The following KHDC1 variants were observed in gnomAD, a reference collection of about 807,000 sequenced individuals.
KHDC1 encodes KH domain containing 1.
In KHDC1, 21 loss-of-function variants were observed where a neutral mutation model predicts 24.7. The observed-to-expected ratio is 0.85, with a 90% CI of 0.60 to 1.23. The LOEUF (loss-of-function observed/expected upper bound fraction) is 1.23. Among genes scored for constraint, KHDC1 ranks in the 50% most tolerant of loss-of-function variants. The probability of loss-of-function intolerance (pLI) is 0.00; values close to 1 mark genes in which losing one functional copy is unlikely to be tolerated. For missense variants in KHDC1, 274 were observed against 298.5 expected, an observed-to-expected ratio of 0.92 and a Z score of 0.61; for synonymous variants, 98 against 111.7, an observed-to-expected ratio of 0.88 and a Z score of 0.77.
intron 2 of KHDC1, among the ~76,000 whole-genome samples, chr6:73,277,104 T>C (rs933574371): frequency 1.3e-5 from 2 of 152,166 alleles, no homozygotes; most frequent in Non-Finnish European, 2.9e-5. Flanking sequence ...AAAAATAGGC[T>C]CTATAAATTA....
chr6:73,295,697 T>G (rs1767745971), intron 1 of KHDC1, among the ~76,000 whole-genome samples: 1 of 151,276 alleles, frequency 6.6e-6, no homozygotes, highest in Non-Finnish European at 1.5e-5. Flanking sequence ...GATACAAAAA[T>G]TAGCTGGGCC....
intron 2 of KHDC1, chr6:73,290,276 A>C (rs116463572): frequency 0.052 from 7,812 of 150,328 alleles, 489 homozygotes; most frequent in African/African-American, 0.15. Context: ...ACTTCATCCC[A>C]AAAAAAAAAA....
intron 1 of KHDC1, chr6:73,292,300 C>T (rs1344022033): frequency 2.8e-6 from 3 of 1,083,686 alleles, no homozygotes; most frequent in Non-Finnish European, 4.3e-6. Context: ...GTAGGATGCT[C>T]TTTGACTACC....
At chr6:73,241,765 C>T (rs1376587971) in intron 4 of KHDC1, 37 bp from the exon 4 acceptor site, 1 of 1,606,686 alleles carries the variant, frequency 6.2e-7, no homozygotes, top group South Asian at 1.1e-5. Flanking sequence ...GAACCAGGGC[C>T]CATAACTGGG....
chr6:73,264,348 T>C (rs1410525824), intron 2 of KHDC1, among the ~76,000 whole-genome samples: 1 of 152,218 alleles, frequency 6.6e-6, no homozygotes, highest in Non-Finnish European at 1.5e-5. Context: ...ATAAAAGTTC[T>C]AACTTTGAGG....
At position 73,246,156 on chromosome 6, in the gene KHDC1, C is replaced by T. The variant is rs552687635; in HGVS notation, c.207-3626G>A. Among the ~76,000 whole-genome samples, 8 of 152,318 alleles carry T rather than the reference C, an allele frequency of 5.3e-5. No homozygotes were observed. The East Asian group carries it at 1.5e-3, about 29-fold the overall frequency. On this transcript the variant is annotated intron_variant, in intron 2 of 4. Transcript: ENST00000370384. Reference sequence around the variant, plus strand: ...TTCTCTGATATGGAGCAACTCATCACATATCTACTGCCTATATAAATATTT... The same window carrying T: ...TTCTCTGATATGGAGCAACTCATCATATATCTACTGCCTATATAAATATTT...
intron 2 of KHDC1, among the ~76,000 whole-genome samples, chr6:73,289,333 CAAAAAA>C (rs60179008): frequency 0.015 from 919 of 62,610 alleles, 12 homozygotes; most frequent in African/African-American, 0.043. Flanking sequence ...GACTCCATCT[CAAAAAA>C]AAAAAAAAAA....
At chr6:73,281,082 G>C (rs912398406) in intron 2 of KHDC1, among the ~76,000 whole-genome samples, 2 of 152,010 alleles carry the variant, frequency 1.3e-5, no homozygotes, top group African/African-American at 4.8e-5. Flanking sequence ...GGTGGTGCCT[G>C]TCTGTAATCC....
At chr6:73,247,793 T>C (rs528225227) in intron 2 of KHDC1, among the ~76,000 whole-genome samples, 55 of 147,612 alleles carry the variant, frequency 3.7e-4, no homozygotes, top group Non-Finnish European at 6.5e-4. Flanking sequence ...GAGGCAGAGG[T>C]TGCAGTGAGT....
rs545254450 is a variant in KHDC1 at position 73,274,040 on chromosome 6, G to T, written c.206+17958C>A. 1.4e-4 allele frequency: 21 copies of T among 152,198 alleles called. 1 individual carries two copies. The highest frequency in any genetic ancestry group is 5.1e-4 in the African/African-American group (21 of 41,530). The allele number at this position is 152,198 out of a possible 1,614,324, so 9.4% of individuals were successfully genotyped here. A position where few individuals can be genotyped will look rare whatever the true frequency, so the allele number is the denominator to read the frequency against. On this transcript the variant is annotated intron_variant, in intron 2 of 4. Coordinates refer to ENST00000370384, the Ensembl canonical transcript of KHDC1. ...GATTGCTTGAATTTCGGGAGTTTGA[G>T]GCTACAGTGAAATACAATGGAGCCA...
chr6:73,288,250 A>G (rs975879651), intron 2 of KHDC1, among the ~76,000 whole-genome samples: 1 of 152,236 alleles, frequency 6.6e-6, no homozygotes, highest in Non-Finnish European at 1.5e-5. Flanking sequence ...GATTAACACA[A>G]CCTTTGATAT....
chr6:73,254,022 G>A (rs1043105727), intron 2 of KHDC1, among the ~76,000 whole-genome samples: 3 of 151,752 alleles, frequency 2.0e-5, no homozygotes, highest in African/African-American at 7.3e-5. Flanking sequence ...AACCTAAATC[G>A]AATCACACCT....
chr6:73,300,604 G>C (rs1426955770), intron 1 of KHDC1: 4 of 152,106 alleles, frequency 2.6e-5, no homozygotes, highest in Non-Finnish European at 5.9e-5. Flanking sequence ...ACCTAGAACT[G>C]CTTGGCACAT....
intron 2 of KHDC1, among the ~76,000 whole-genome samples, chr6:73,254,511 T>A (rs376467356): frequency 3.9e-4 from 53 of 134,900 alleles, no homozygotes; most frequent in African/African-American, 1.3e-3. Context: ...AATAAATAAA[T>A]AAAAGACTAC....
At chr6:73,303,420 G>A (rs1562261635) in intron 1 of KHDC1, among the ~76,000 whole-genome samples, 1 of 152,150 alleles carries the variant, frequency 6.6e-6, no homozygotes, top group Non-Finnish European at 1.5e-5. Context: ...TAAAACTCAC[G>A]GGTGATGGTT....
At chr6:73,266,051 G>A (rs1767074967) in intron 2 of KHDC1, among the ~76,000 whole-genome samples, 2 of 152,104 alleles carry the variant, frequency 1.3e-5, no homozygotes, top group Non-Finnish European at 2.9e-5. Flanking sequence ...CAAAAAGCAT[G>A]CCATATGTTA....
rs200034219 is a variant in KHDC1, at chr6:73,244,785, TAGTC to T, written c.207-2259_207-2256del. Among the ~76,000 whole-genome samples the T allele has an allele frequency of 1.9e-3, 293 of 151,542 alleles. 2 individuals are homozygous for T. In the East Asian group the frequency reaches 0.034, roughly 18 times the overall value. ...TCATCTTTACTAAAAACTAAAAAAA[TAGTC>T]AGGTGAGGTGGTGCGCACCTGCAGT... On this transcript the variant is annotated intron_variant, in intron 2 of 4. Coordinates refer to ENST00000370384, the Ensembl canonical transcript of KHDC1.
intron 2 of KHDC1, 29 bp from the exon 2 acceptor site, chr6:73,242,559 A>C: frequency 3.1e-6 from 5 of 1,613,704 alleles, no homozygotes; most frequent in Non-Finnish European, 4.2e-6. Context: ...AAGTCCAAGC[A>C]ACTGGTTGGC....
At chr6:73,268,279 GT>G in intron 2 of KHDC1, 1 of 153,542 alleles carries the variant, frequency 6.5e-6, no homozygotes, top group Non-Finnish European at 1.4e-5. Flanking sequence ...CGCATCTGGA[GT>G]TTTTCGTTCC....
Sources: allele counts gnomAD v4.1 joint callset (sites outside exome capture counted in the v4.1 genomes callset), GRCh38; gene constraint gnomAD v4.1.1; transcripts MANE v1.5; gene names NCBI Gene and HGNC (gene_info 2026-07-23, HGNC 2026-07-21).